Variants in MAPK10 observed in about 807,000 individuals in gnomAD.
MAPK10 encodes the protein mitogen-activated protein kinase 10, also known as JNK3 alpha protein kinase.
MAPK10 carries 25 observed loss-of-function variants against 59.3 expected under a neutral mutation model. That is an observed-to-expected ratio of 0.42 (90% CI 0.31 to 0.59). The LOEUF (loss-of-function observed/expected upper bound fraction) is 0.59. Ranked by LOEUF, MAPK10 falls within the 20% of genes least tolerant of loss-of-function variation. The probability of loss-of-function intolerance (pLI) is 0.15; values close to 1 mark genes in which losing one functional copy is unlikely to be tolerated. For synonymous variants in MAPK10, 190 were observed against 200.5 expected (o/e 0.95, Z 0.44); for missense variants, 351 against 568.9 (o/e 0.62, Z 3.90).
At chr4:86,031,586 C>T in intron 11 of MAPK10, 155 bp from the exon 12 acceptor site, 1 of 575,230 alleles carries the variant, frequency 1.7e-6, no homozygotes, top group East Asian at 2.8e-5. Flanking sequence ...TTAAAATTTT[C>T]CTGTAAACTT....
intron 1 of MAPK10, among the ~76,000 whole-genome samples, chr4:86,569,591 T>C (rs1018598896): frequency 1.2e-4 from 19 of 152,184 alleles, no homozygotes; most frequent in African/African-American, 4.6e-4. Context: ...AAATGTGGTA[T>C]TATATATACC....
rs532184690 is a variant in MAPK10, at chr4:86,473,162, T to G, written c.-262-118518A>C. ...TTGAAAATAAAAATGTTTCTTTAGT[T>G]CTATTTAGGACCTGCAAAAATGAAA... On this transcript the variant is annotated intron_variant, in intron 1 of 4. Transcript: ENST00000502302. 2.0e-5 allele frequency among the ~76,000 whole-genome samples: 3 copies of G among 152,340 alleles called. No homozygotes were observed. In the East Asian group the frequency reaches 5.8e-4, roughly 29 times the overall value.
intron 3 of MAPK10, among the ~76,000 whole-genome samples, chr4:86,183,614 C>T (rs2077441087): frequency 6.6e-6 from 1 of 152,026 alleles, no homozygotes; most frequent in Admixed American, 6.6e-5. Context: ...GTGCATGTGT[C>T]TTTATAGTGG....
At chr4:86,023,127 A>G (rs1479431239) in intron 13 of MAPK10, among the ~76,000 whole-genome samples, 1 of 152,170 alleles carries the variant, frequency 6.6e-6, no homozygotes, top group African/African-American at 2.4e-5. Context: ...ATATGATATG[A>G]GGCAGGGGCC....
chr4:86,527,773 A>G (rs547735131), intron 1 of MAPK10, among the ~76,000 whole-genome samples: 1 of 152,374 alleles, frequency 6.6e-6, no homozygotes, highest in South Asian at 2.1e-4. Context: ...GTGCCCATCA[A>G]CAGTGGACTG....
chr4:86,092,982 C>T (rs1056673773), intron 9 of MAPK10, among the ~76,000 whole-genome samples: 1 of 151,864 alleles, frequency 6.6e-6, no homozygotes, highest in Non-Finnish European at 1.5e-5. Context: ...TTTGGTGTTA[C>T]CAAAATATGA....
chr4:86,110,043 G>T lies in MAPK10; in HGVS notation c.237-2691C>A, dbSNP rs115263354. ...AAATGTCTTCTTTTGAGAAGTAACT[G>T]TTCATGTCCTCTGCCCCCTTTATAT... On this transcript the variant is annotated intron_variant, in intron 4 of 13. Coordinates refer to ENST00000641462, the MANE Select transcript of MAPK10 (RefSeq NM_138982.4). Among the ~76,000 whole-genome samples the T allele has an allele frequency of 3.9e-3, 587 of 152,174 alleles. 1 individual carries two copies. Among genetic ancestry groups the T allele is most frequent in the Non-Finnish European group, 5.5e-3 (376 of 67,980 alleles).
intron 7 of MAPK10, among the ~76,000 whole-genome samples, 163 bp downstream of exon 7, chr4:86,101,731 T>C (rs1359566478): frequency 2.0e-5 from 3 of 152,190 alleles, no homozygotes; most frequent in Admixed American, 6.5e-5. Context: ...ACAATATAAC[T>C]AGAATTTCCT....
intron 1 of MAPK10, among the ~76,000 whole-genome samples, chr4:86,419,158 GT>G (rs1323973098): frequency 2.0e-5 from 3 of 152,068 alleles, no homozygotes; most frequent in African/African-American, 7.2e-5. Flanking sequence ...TAAAATAAAT[GT>G]TTTTTAAAAA....
rs1211917153 is a variant in MAPK10, at chr4:86,389,203, A to G, written c.-121-34559T>C. ...CTTGCTCCTGCCCTGGTCATGTAAG[A>G]TATGCTCACTCCCCCTTTGCCTTCC... On this transcript the variant is annotated intron_variant, in intron 1 of 13. Transcript: ENST00000361569. Among the ~76,000 whole-genome samples, 4 of 151,980 alleles carry G rather than the reference A, an allele frequency of 2.6e-5. No individual in the cohort carries two copies. In the East Asian group the frequency reaches 7.7e-4, roughly 29 times the overall value.
intron 10 of MAPK10, chr4:86,064,662 A>G: frequency 2.5e-6 from 1 of 392,946 alleles, no homozygotes; most frequent in Non-Finnish European, 4.6e-6. Flanking sequence ...ATCAACCTGG[A>G]GAGTTTATGT....
At chr4:86,208,589 T>C (rs941745954) in intron 2 of MAPK10, among the ~76,000 whole-genome samples, 1 of 151,860 alleles carries the variant, frequency 6.6e-6, no homozygotes, top group Non-Finnish European at 1.5e-5. Flanking sequence ...GGGACGTATC[T>C]CAAAATAATA....
rs150541145 is a variant in MAPK10 at position 86,584,140 on chromosome 4, T to G, written c.-263+9770A>C. Among the ~76,000 whole-genome samples, 185 of 152,316 alleles carry G rather than the reference T, an allele frequency of 1.2e-3. 6 individuals carry two copies. The East Asian group carries it at 0.019, about 15-fold the overall frequency. ...GTGATATAGTGAACCCAACTGGTGC[T>G]GCTTCAAGAACCAACTGACAAAGTA... On this transcript the variant is annotated intron_variant, in intron 1 of 4. Transcript: ENST00000502302.
In MAPK10 at chr4:86,159,369, G is replaced by C; in HGVS notation, c.165C>G (p.Asp55Glu). 6.2e-7 allele frequency: 1 copy of C among 1,612,892 alleles called. No individual in the cohort carries two copies. Among genetic ancestry groups the C allele is most frequent in the Non-Finnish European group, 8.5e-7 (1 of 1,179,192 alleles). The change falls in exon 4 of 14, where the codon GAC (aspartate) becomes GAG (glutamate). Residue 55 changes from aspartate to glutamate, a missense_variant. Transcript: ENST00000641462. ...AGCGCTTGAGAACTGTGAAGGTTGA[G>C]TCTCCCACTTCCACACTGTAGAACT... is the stretch of plus-strand genomic sequence containing the variant. ...DNQFYSVEVG[D>E]STFTVLKRYQ...
intron 2 of MAPK10, among the ~76,000 whole-genome samples, chr4:86,252,212 A>C (rs2093478189): frequency 7.9e-6 from 1 of 126,176 alleles, no homozygotes; most frequent in Admixed American, 7.3e-5. Flanking sequence ...TTTGGTTGCC[A>C]TTGCTTTTGG....
chr4:86,280,131 C>T (rs2094740785), intron 2 of MAPK10, among the ~76,000 whole-genome samples: 1 of 152,042 alleles, frequency 6.6e-6, no homozygotes, highest in South Asian at 2.1e-4. Flanking sequence ...TAAAGATCTG[C>T]AGAAGCAGAG....
Position 86,236,617 on chromosome 4 carries a change from G to A in MAPK10, c.-6-42210C>T, listed in dbSNP as rs574475393. Among the ~76,000 whole-genome samples the A allele has an allele frequency of 4.6e-5, 7 of 152,280 alleles. No individual in the cohort carries two copies. In the South Asian group the frequency reaches 1.5e-3, roughly 32 times the overall value. Reference sequence around the variant, plus strand: ...CAACAATGTATTAGCTAGAATTAGAGGGATTCAGAAGACTAAAAGAGGCAT... The same window carrying A: ...CAACAATGTATTAGCTAGAATTAGAAGGATTCAGAAGACTAAAAGAGGCAT... On this transcript the variant is annotated intron_variant, in intron 2 of 13. Transcript: ENST00000641462.
At chr4:86,286,044 C>T (rs900746816) in intron 2 of MAPK10, among the ~76,000 whole-genome samples, 2 of 152,236 alleles carry the variant, frequency 1.3e-5, no homozygotes, top group African/African-American at 4.8e-5. Context: ...ATGCCAATTT[C>T]TTCCAGAAAC....
intron 2 of MAPK10, among the ~76,000 whole-genome samples, chr4:86,273,788 G>C (rs2148777989): frequency 6.6e-6 from 1 of 152,084 alleles, no homozygotes. Flanking sequence ...TGCAATTTAT[G>C]TTCAAGAGGC....
Sources: gnomAD v4.1 joint callset for allele counts (sites outside exome capture counted in the v4.1 genomes callset) on GRCh38, gnomAD v4.1.1 for gene constraint, MANE v1.5 for transcripts, NCBI Gene and HGNC (gene_info 2026-07-23, HGNC 2026-07-21) for gene names.